Variants in MIPOL1 observed in about 807,000 individuals in gnomAD.
The protein encoded by MIPOL1 is mirror-image polydactyly 1.
In MIPOL1, 57 loss-of-function variants were observed where a neutral mutation model predicts 60.9. That is an observed-to-expected ratio of 0.94 (90% CI 0.76 to 1.17). The LOEUF (loss-of-function observed/expected upper bound fraction) is 1.17, where lower values mean the gene tolerates loss of function less well. Ranked by LOEUF, MIPOL1 falls within the 50% of genes most tolerant of loss-of-function variation. The pLI, the probability that MIPOL1 is intolerant of heterozygous loss-of-function variation, is 0.00. For synonymous variants in MIPOL1, 179 were observed against 168.8 expected, an observed-to-expected ratio of 1.06 and a Z score of -0.47; for missense variants, 551 against 511.6, an observed-to-expected ratio of 1.08 and a Z score of -0.74.
At chr14:37,306,691 A>G (rs1051458158) in intron 7 of MIPOL1, among the ~76,000 whole-genome samples, 1 of 151,912 alleles carries the variant, frequency 6.6e-6, no homozygotes, top group Non-Finnish European at 1.5e-5. Flanking sequence ...CACTATGATA[A>G]TAAATAAATG....
chr14:37,250,315 A>C (rs1037745417), intron 3 of MIPOL1, among the ~76,000 whole-genome samples: 5 of 152,152 alleles, frequency 3.3e-5, no homozygotes, highest in Non-Finnish European at 7.3e-5. Flanking sequence ...TGAGAGGCGA[A>C]GGCAGGTGGG....
At chr14:37,212,036 G>T (rs1966855713) in intron 1 of MIPOL1, among the ~76,000 whole-genome samples, 1 of 152,036 alleles carries the variant, frequency 6.6e-6, no homozygotes, top group Non-Finnish European at 1.5e-5. Context: ...GTTAACTGAA[G>T]AGCCCTTGGG....
chr14:37,207,117 C>T (rs1241415462), intron 1 of MIPOL1, among the ~76,000 whole-genome samples: 1 of 152,094 alleles, frequency 6.6e-6, no homozygotes, highest in African/African-American at 2.4e-5. Flanking sequence ...GGCTGTATTC[C>T]CACTCAAATC....
intron 6 of MIPOL1, among the ~76,000 whole-genome samples, chr14:37,280,046 C>T (rs955511585): frequency 6.6e-6 from 1 of 152,070 alleles, no homozygotes; most frequent in Non-Finnish European, 1.5e-5. Context: ...GTATTTGTCT[C>T]TCTGTGCTTG....
chr14:37,215,012 T>C (rs10137231), intron 1 of MIPOL1, among the ~76,000 whole-genome samples: 68,353 of 151,946 alleles, frequency 0.45, 17,857 homozygotes, highest in African/African-American at 0.73. Flanking sequence ...TCAGTGGTCA[T>C]GCTCCTGGTC....
At chr14:37,255,268 GT>G (rs1219405450) in intron 3 of MIPOL1, among the ~76,000 whole-genome samples, 1 of 151,752 alleles carries the variant, frequency 6.6e-6, no homozygotes, top group Non-Finnish European at 1.5e-5. Flanking sequence ...AGGTCTGAGT[GT>G]GCATTGGCAT....
intron 11 of MIPOL1, among the ~76,000 whole-genome samples, chr14:37,479,650 T>A (rs1451773720): frequency 1.3e-5 from 2 of 151,576 alleles, no homozygotes; most frequent in Admixed American, 1.3e-4. Flanking sequence ...AATAACAAAC[T>A]AAGCCCAAAA....
At chr14:37,452,678 G>A (rs2094436380) in intron 11 of MIPOL1, among the ~76,000 whole-genome samples, 1 of 152,154 alleles carries the variant, frequency 6.6e-6, no homozygotes, top group Admixed American at 6.6e-5. Context: ...TGAAAATAAG[G>A]AATTACTGCA....
chr14:37,291,183 C>CA (rs762727639), intron 7 of MIPOL1, among the ~76,000 whole-genome samples: 9 of 152,108 alleles, frequency 5.9e-5, no homozygotes, highest in Non-Finnish European at 1.3e-4. Flanking sequence ...CTTGGCCTCC[C>CA]AAGGTGCTGG....
At chr14:37,361,571 A>G (rs1033410481) in intron 9 of MIPOL1, among the ~76,000 whole-genome samples, 7 of 131,670 alleles carry the variant, frequency 5.3e-5, no homozygotes, top group Admixed American at 5.3e-4. Flanking sequence ...TGTTCCCTTT[A>G]CCATTATGTG....
intron 9 of MIPOL1, among the ~76,000 whole-genome samples, chr14:37,353,764 A>G (rs1394286844): frequency 6.6e-6 from 1 of 152,064 alleles, no homozygotes; most frequent in Non-Finnish European, 1.5e-5. Flanking sequence ...CCAGTTTATC[A>G]TTTTTTAATG....
intron 1 of MIPOL1, among the ~76,000 whole-genome samples, chr14:37,213,586 C>T (rs945082898): frequency 2.0e-5 from 3 of 152,008 alleles, no homozygotes; most frequent in Admixed American, 6.6e-5. Flanking sequence ...AAAATAGCCT[C>T]AAAGGGCAAA....
At chr14:37,207,453 A>G (rs1966268252) in intron 1 of MIPOL1, among the ~76,000 whole-genome samples, 1 of 152,174 alleles carries the variant, frequency 6.6e-6, no homozygotes, top group Non-Finnish European at 1.5e-5. Context: ...TAATATAGGT[A>G]GCAATAGACA....
intron 1 of MIPOL1, among the ~76,000 whole-genome samples, chr14:37,201,145 TC>T (rs1264488718): frequency 6.6e-6 from 1 of 152,012 alleles, no homozygotes; most frequent in Non-Finnish European, 1.5e-5. Context: ...GCTCAAGTGA[TC>T]CTCCTTCCCC....
intron 7 of MIPOL1, among the ~76,000 whole-genome samples, chr14:37,298,024 G>A (rs1346230958): frequency 6.6e-6 from 1 of 152,142 alleles, no homozygotes; most frequent in East Asian, 1.9e-4. Context: ...CAAAGCTGGA[G>A]GCATCATGCT....
At chr14:37,212,448 C>T (rs1314568654) in intron 1 of MIPOL1, 4 of 152,212 alleles carry the variant, frequency 2.6e-5, no homozygotes, top group African/African-American at 9.7e-5. Context: ...TGGTACTCCT[C>T]ATGGCCTGGG....
At chr14:37,442,006 T>A (rs2094254101) in intron 11 of MIPOL1, among the ~76,000 whole-genome samples, 1 of 152,112 alleles carries the variant, frequency 6.6e-6, no homozygotes, top group African/African-American at 2.4e-5. Flanking sequence ...ATTGCAGGTG[T>A]GAGCCACCAT....
At chr14:37,439,397 G>T (rs1168044603) in intron 11 of MIPOL1, among the ~76,000 whole-genome samples, 6 of 152,134 alleles carry the variant, frequency 3.9e-5, no homozygotes, top group Admixed American at 6.6e-5. Flanking sequence ...AGAGAAAATT[G>T]CTGGAATTTT....
At chr14:37,243,311 AAG>A (rs1972642778) in intron 1 of MIPOL1, among the ~76,000 whole-genome samples, 1 of 152,140 alleles carries the variant, frequency 6.6e-6, no homozygotes, top group African/African-American at 2.4e-5. Context: ...CACTGGGTGA[AAG>A]AGATTCTTTT....
Sources: allele counts gnomAD v4.1 joint callset (sites outside exome capture counted in the v4.1 genomes callset), GRCh38; gene constraint gnomAD v4.1.1; transcripts MANE v1.5; gene names NCBI Gene and HGNC (gene_info 2026-07-23, HGNC 2026-07-21).